Variants in GHR observed in about 807,000 individuals in gnomAD.
GHR encodes GH receptor.
In GHR, 35 loss-of-function variants were observed where a neutral mutation model predicts 67.1. The ratio of observed to expected loss-of-function variants is 0.52; its 90% confidence interval spans 0.40 to 0.69. GHR has a LOEUF of 0.69. Among genes scored for constraint, GHR ranks in the 30% least tolerant of loss-of-function variants. The pLI is 0.00. For missense variants in GHR, 792 were observed against 764.6 expected (o/e 1.04, Z -0.42); for synonymous variants, 272 against 269.1 (o/e 1.01, Z -0.10).
intron 3 of GHR, among the ~76,000 whole-genome samples, chr5:42,667,641 G>T (rs1756057842): frequency 6.6e-6 from 1 of 152,178 alleles, no homozygotes; most frequent in Admixed American, 6.6e-5. Context: ...GGTCCAATTA[G>T]AAGGAGGCCT....
At chr5:42,632,784 G>T (rs1030641670) in intron 3 of GHR, among the ~76,000 whole-genome samples, 2 of 152,192 alleles carry the variant, frequency 1.3e-5, no homozygotes, top group African/African-American at 4.8e-5. Context: ...AGGATAAGAA[G>T]AATGTTAAGG....
intron 2 of GHR, among the ~76,000 whole-genome samples, chr5:42,627,375 G>A (rs986961310): frequency 6.6e-6 from 1 of 152,138 alleles, no homozygotes; most frequent in Admixed American, 6.5e-5. Flanking sequence ...TTCATTTGCT[G>A]TGATTTGTGT....
At chr5:42,484,479 G>C (rs918990639) in intron 1 of GHR, among the ~76,000 whole-genome samples, 4 of 152,178 alleles carry the variant, frequency 2.6e-5, no homozygotes, top group African/African-American at 9.7e-5. Flanking sequence ...CTGTTGCTTA[G>C]TCCTGGAAAT....
In GHR at chr5:42,718,984, A is replaced by G. The variant is rs926603108; in HGVS notation, c.1477A>G (p.Ile493Val). 1.2e-6 allele frequency: 2 copies of G among 1,611,428 alleles called. No homozygotes were observed. The highest frequency in any genetic ancestry group is 1.3e-5 in the African/African-American group (1 of 74,840). The change falls in exon 10 of 10, where the codon ATT becomes GTT. Residue 493 changes from isoleucine to valine, a missense_variant. Coordinates refer to ENST00000230882, the MANE Select transcript of GHR (RefSeq NM_000163.5). ...NIDFYAQVSD[I>V]TPAGSVVLSP... The stretch of plus-strand genomic sequence containing the variant: ...CGACTTTTATGCCCAGGTGAGCGAC[A>G]TTACACCAGCAGGTAGTGTGGTCCT...
intron 2 of GHR, among the ~76,000 whole-genome samples, chr5:42,569,761 T>C (rs1229429629): frequency 6.7e-6 from 1 of 149,946 alleles, no homozygotes; most frequent in Non-Finnish European, 1.5e-5. Context: ...GTACACTATA[T>C]GTATATAGTA....
chr5:42,565,415 A>G (rs1749868244), intron 1 of GHR: 1 of 979,172 alleles, frequency 1.0e-6, no homozygotes, highest in South Asian at 4.7e-5. Context: ...AAACAGATTT[A>G]TGAAATGTTA....
intron 1 of GHR, among the ~76,000 whole-genome samples, chr5:42,494,933 A>G (rs1307826373): frequency 2.0e-5 from 3 of 152,100 alleles, no homozygotes; most frequent in African/African-American, 7.2e-5. Context: ...CCAATTTAGC[A>G]TCCCCCTTAG....
chr5:42,493,063 A>G (rs1746180925), intron 1 of GHR, among the ~76,000 whole-genome samples: 1 of 152,170 alleles, frequency 6.6e-6, no homozygotes, highest in African/African-American at 2.4e-5. Context: ...AAACTGTATT[A>G]TTTGGTACAT....
Position 42,468,884 on chromosome 5 carries a change from A to G in GHR, c.-12+44929A>G, listed in dbSNP as rs1744869806. On this transcript the variant is annotated intron_variant, in intron 1 of 9. Coordinates refer to ENST00000230882, the MANE Select transcript of GHR (RefSeq NM_000163.5). Reference sequence around the variant, plus strand: ...CCAGGCATGATGGTTGCTCGGCGGCACATTCCTCCACGGATTGCAGCGGGC... The same window carrying G: ...CCAGGCATGATGGTTGCTCGGCGGCGCATTCCTCCACGGATTGCAGCGGGC... The G allele has an allele frequency of 7.9e-6, 6 of 755,716 alleles. No homozygotes were observed. In the Middle Eastern group the frequency reaches 1.0e-3, roughly 131 times the overall value. The allele number at this position is 755,716 out of a possible 1,614,324, so 46.8% of individuals were successfully genotyped here.
chr5:42,603,441 C>T lies in GHR; in HGVS notation c.71-25597C>T, dbSNP rs140891532. ...AACCATTATTTCTTTGAATTTTTTT[C>T]TCTCTCTCTTCTCCTTTTGTATATT... On this transcript the variant is annotated intron_variant, in intron 2 of 9. Coordinates refer to ENST00000230882, the MANE Select transcript of GHR (RefSeq NM_000163.5). Among the ~76,000 whole-genome samples the T allele has an allele frequency of 4.3e-3, 656 of 151,716 alleles. 4 individuals are homozygous for T. The highest frequency in any genetic ancestry group is 0.015 in the African/African-American group (634 of 41,376).
chr5:42,627,336 G>A (rs566263668), intron 2 of GHR, among the ~76,000 whole-genome samples: 6 of 152,208 alleles, frequency 3.9e-5, no homozygotes, highest in South Asian at 2.1e-4. Context: ...GTGTCTAGGC[G>A]TGAGACCAAA....
intron 1 of GHR, among the ~76,000 whole-genome samples, chr5:42,485,115 G>A (rs1379972493): frequency 6.6e-6 from 1 of 152,144 alleles, no homozygotes; most frequent in East Asian, 1.9e-4. Context: ...TTTTCAGGCT[G>A]TTGAGCATTG....
At chr5:42,440,675 G>A (rs901104797) in intron 1 of GHR, among the ~76,000 whole-genome samples, 1 of 152,190 alleles carries the variant, frequency 6.6e-6, no homozygotes, top group Non-Finnish European at 1.5e-5. Context: ...AATGGAGGAG[G>A]ATGGAAAGAG....
chr5:42,613,317 CGT>C lies in GHR; in HGVS notation c.71-15714_71-15713del, dbSNP rs141737661. Among the ~76,000 whole-genome samples the C allele has an allele frequency of 1.8e-4, 27 of 152,126 alleles. No individual in the cohort carries two copies. In the East Asian group the frequency reaches 4.8e-3, roughly 27 times the overall value. On this transcript the variant is annotated intron_variant, in intron 2 of 9. Coordinates refer to ENST00000230882, the MANE Select transcript of GHR (RefSeq NM_000163.5). Reference sequence around the variant, plus strand: ...GTTATCCTTGCTGCTGTTGTTTCTCCGTGTGTGTTTCTATCTGCGCTCTCCAG... The same window carrying C: ...GTTATCCTTGCTGCTGTTGTTTCTCCGTGTGTTTCTATCTGCGCTCTCCAG...
intron 2 of GHR, among the ~76,000 whole-genome samples, chr5:42,621,027 C>T (rs1466865910): frequency 6.6e-6 from 1 of 152,046 alleles, no homozygotes; most frequent in African/African-American, 2.4e-5. Context: ...CTATTTATTC[C>T]TTTTAGCATT....
At chr5:42,660,843 G>C (rs1755564263) in intron 3 of GHR, among the ~76,000 whole-genome samples, 1 of 152,168 alleles carries the variant, frequency 6.6e-6, no homozygotes, top group African/African-American at 2.4e-5. Context: ...CAAAGGCAAA[G>C]AAGTTGAAAA....
At chr5:42,607,008 C>T (rs1003101589) in intron 2 of GHR, among the ~76,000 whole-genome samples, 8 of 152,026 alleles carry the variant, frequency 5.3e-5, no homozygotes, top group African/African-American at 7.3e-5. Context: ...ATCATGGGGA[C>T]GGTTTCTTCC....
intron 1 of GHR, among the ~76,000 whole-genome samples, chr5:42,448,147 T>C (rs1204345434): frequency 1.3e-5 from 2 of 152,190 alleles, no homozygotes; most frequent in Admixed American, 6.5e-5. Context: ...ATTTCTACTT[T>C]TAGTTCTTTA....
At chr5:42,489,949 G>GA (rs200329012) in intron 1 of GHR, among the ~76,000 whole-genome samples, 17 of 147,290 alleles carry the variant, frequency 1.2e-4, no homozygotes, top group East Asian at 9.8e-4. Context: ...AAGAAGACGA[G>GA]AAAAAAAAAC....
Sources: allele counts gnomAD v4.1 joint callset (sites outside exome capture counted in the v4.1 genomes callset), GRCh38; gene constraint gnomAD v4.1.1; transcripts MANE v1.5; gene names NCBI Gene and HGNC (gene_info 2026-07-23, HGNC 2026-07-21).